Variants in PPP2R2B observed in about 807,000 individuals in gnomAD.
PPP2R2B encodes the protein serine/threonine-protein phosphatase 2A 55 kDa regulatory subunit B beta isoform.
A neutral mutation model predicts 46.0 loss-of-function variants in PPP2R2B; 5 were observed. That is an observed-to-expected ratio of 0.11 (90% confidence interval 0.06 to 0.23). The LOEUF is 0.23. Among genes scored for constraint, PPP2R2B ranks in the 10% least tolerant of loss-of-function variants. PPP2R2B has a pLI of 1.00. For synonymous variants in PPP2R2B, 215 were observed against 206.7 expected, an observed-to-expected ratio of 1.04 and a Z score of -0.34; for missense variants, 367 against 575.0, an observed-to-expected ratio of 0.64 and a Z score of 3.70.
intron 2 of PPP2R2B, among the ~76,000 whole-genome samples, chr5:146,848,267 T>C (rs1011956096): frequency 6.6e-6 from 1 of 152,182 alleles, no homozygotes; most frequent in East Asian, 1.9e-4. Context: ...ATATCTTATG[T>C]TAGTGTGGTA....
chr5:146,866,579 G>C (rs1038080471), intron 2 of PPP2R2B, among the ~76,000 whole-genome samples: 2 of 152,008 alleles, frequency 1.3e-5, no homozygotes, highest in Non-Finnish European at 2.9e-5. Context: ...TACTTTTGAG[G>C]GTTGTGGTGA....
At chr5:147,056,155 G>C (rs1561603996), upstream of PPP2R2B, 1 of 1,005,810 alleles carries the variant, frequency 9.9e-7, no homozygotes. Context: ...GTGAGGATAA[G>C]TGACCATCTC....
At chr5:146,762,402 G>A (rs1473666289) in intron 2 of PPP2R2B, among the ~76,000 whole-genome samples, 2 of 152,120 alleles carry the variant, frequency 1.3e-5, no homozygotes, top group South Asian at 2.1e-4. Flanking sequence ...CAGTTATGAG[G>A]ATTAAATGAG....
intron 2 of PPP2R2B, among the ~76,000 whole-genome samples, chr5:146,759,780 G>A (rs1221927666): frequency 6.6e-6 from 1 of 151,066 alleles, no homozygotes; most frequent in Non-Finnish European, 1.5e-5. Context: ...CATTTGTGAC[G>A]GAGGGTATAA....
At chr5:146,861,281 C>T (rs1760982231) in intron 2 of PPP2R2B, among the ~76,000 whole-genome samples, 1 of 152,046 alleles carries the variant, frequency 6.6e-6, no homozygotes, top group African/African-American at 2.4e-5. Flanking sequence ...TGGTGTCGAT[C>T]TCCTGACCTC....
chr5:146,644,654 T>C (rs1251337769), intron 6 of PPP2R2B, among the ~76,000 whole-genome samples: 1 of 152,222 alleles, frequency 6.6e-6, no homozygotes, highest in Non-Finnish European at 1.5e-5. Flanking sequence ...TGATTCTATC[T>C]CCATTTTGCT....
intron 2 of PPP2R2B, among the ~76,000 whole-genome samples, chr5:146,722,763 T>C (rs1751607061): frequency 6.6e-6 from 1 of 152,212 alleles, no homozygotes; most frequent in Admixed American, 6.5e-5. Context: ...GCCTAATACA[T>C]AGTATAAAAC....
chr5:146,739,399 A>C (rs11167944), intron 2 of PPP2R2B, among the ~76,000 whole-genome samples: 93,329 of 152,004 alleles, frequency 0.61, 30,163 homozygotes, highest in Middle Eastern at 0.71. Flanking sequence ...GTTAAAAGAC[A>C]AATGAGAGTC....
intron 2 of PPP2R2B, among the ~76,000 whole-genome samples, chr5:146,728,413 C>G (rs1752016245): frequency 6.6e-6 from 1 of 151,972 alleles, no homozygotes; most frequent in Non-Finnish European, 1.5e-5. Context: ...TTTATTTTTT[C>G]TCTCAGAAGA....
chr5:146,832,714 T>G (rs1245209261), intron 2 of PPP2R2B, among the ~76,000 whole-genome samples: 5 of 152,106 alleles, frequency 3.3e-5, no homozygotes, highest in Non-Finnish European at 5.9e-5. Flanking sequence ...TATATCATAT[T>G]TTTACTATGC....
chr5:147,063,423 C>A (rs992822155), intron 2 of PPP2R2B, among the ~76,000 whole-genome samples: 4 of 152,100 alleles, frequency 2.6e-5, no homozygotes, highest in African/African-American at 7.2e-5. Flanking sequence ...ATTTCAGTTG[C>A]TGTATTTGGG....
At chr5:147,031,407 A>G (rs566937702) in intron 1 of PPP2R2B, among the ~76,000 whole-genome samples, 1 of 151,402 alleles carries the variant, frequency 6.6e-6, no homozygotes, top group Non-Finnish European at 1.5e-5. Context: ...TCATAGTAGT[A>G]TGTGTTTCTC....
chr5:146,633,922 A>G (rs144376222), intron 7 of PPP2R2B, among the ~76,000 whole-genome samples: 2 of 152,288 alleles, frequency 1.3e-5, no homozygotes, highest in African/African-American at 4.8e-5. Flanking sequence ...TTGTACCAGC[A>G]CATGCCTCTC....
intron 6 of PPP2R2B, among the ~76,000 whole-genome samples, chr5:146,638,847 G>A (rs775539237): frequency 2.0e-4 from 30 of 152,128 alleles, no homozygotes; most frequent in Non-Finnish European, 3.8e-4. Context: ...GGGCTGATAA[G>A]TGATATCTAT....
chr5:146,686,078 C>T (rs572720164), intron 5 of PPP2R2B, among the ~76,000 whole-genome samples: 19 of 152,296 alleles, frequency 1.2e-4, no homozygotes, highest in Admixed American at 2.6e-4. Flanking sequence ...CCAGCTCTTC[C>T]GTTTTCTAGC....
intron 1 of PPP2R2B, among the ~76,000 whole-genome samples, chr5:146,893,573 A>G (rs990712865): frequency 6.6e-6 from 1 of 152,118 alleles, no homozygotes; most frequent in Non-Finnish European, 1.5e-5. Context: ...TAATCCCAGC[A>G]CTTTGGGAGG....
intron 1 of PPP2R2B, among the ~76,000 whole-genome samples, chr5:146,975,707 A>G (rs1215357854): frequency 1.3e-5 from 2 of 152,144 alleles, no homozygotes; most frequent in East Asian, 3.9e-4. Context: ...TAATACTGTG[A>G]TTTTGATTTG....
chr5:146,824,647 C>T (rs1328401227), intron 2 of PPP2R2B, among the ~76,000 whole-genome samples: 1 of 151,586 alleles, frequency 6.6e-6, no homozygotes, highest in African/African-American at 2.4e-5. Context: ...CGGGCTTTAA[C>T]AGAGATAGAA....
intron 2 of PPP2R2B, among the ~76,000 whole-genome samples, chr5:146,777,454 C>T (rs114381165): frequency 6.6e-6 from 1 of 152,060 alleles, no homozygotes; most frequent in South Asian, 2.1e-4. Flanking sequence ...TAGAGGTTAC[C>T]AGAGACTACG....
Sources: allele counts gnomAD v4.1 joint callset (sites outside exome capture counted in the v4.1 genomes callset), GRCh38; gene constraint gnomAD v4.1.1; transcripts MANE v1.5; gene names NCBI Gene and HGNC (gene_info 2026-07-23, HGNC 2026-07-21).